CCDC171: variants seen among roughly 807,000 people sequenced by gnomAD.
The protein encoded by CCDC171 is coiled-coil domain containing 171.
A neutral mutation model predicts 168.2 loss-of-function variants in CCDC171; 177 were observed. That is an observed-to-expected ratio of 1.05 (90% confidence interval 0.93 to 1.19). The LOEUF (loss-of-function observed/expected upper bound fraction) is 1.19. Ranked by LOEUF, CCDC171 falls within the 50% of genes most tolerant of loss-of-function variation. CCDC171 has a pLI of 0.00. For synonymous variants in CCDC171, 687 were observed against 540.8 expected (o/e 1.27, Z -3.75); for missense variants, 1,991 against 1,539.0 (o/e 1.29, Z -4.91).
At chr9:15,984,712 C>A (rs1308185598) in intron 3 of CCDC171, among the ~76,000 whole-genome samples, 3 of 152,028 alleles carry the variant, frequency 2.0e-5, no homozygotes, top group Admixed American at 2.0e-4. Context: ...ACAAAGTTCT[C>A]ATGATTTGAT....
chr9:15,988,169 A>G (rs1832058000), intron 3 of CCDC171, among the ~76,000 whole-genome samples: 1 of 152,238 alleles, frequency 6.6e-6, no homozygotes, highest in African/African-American at 2.4e-5. Context: ...ATACTGTCTC[A>G]GCTGTTAAAC....
At chr9:15,885,600 A>T (rs1431099658) in intron 24 of CCDC171, 2 of 152,178 alleles carry the variant, frequency 1.3e-5, no homozygotes, top group African/African-American at 2.4e-5. Context: ...TGAGTTTATT[A>T]TGGCTTAGTG....
At chr9:15,615,913 G>T (rs900206702) in intron 6 of CCDC171, among the ~76,000 whole-genome samples, 1 of 151,854 alleles carries the variant, frequency 6.6e-6, no homozygotes, top group Non-Finnish European at 1.5e-5. Context: ...CAAGTACTGG[G>T]ACCACAGGCA....
At chr9:16,091,952 T>C in the CCDC171 span, among the ~76,000 whole-genome samples, 1 of 152,210 alleles carries the variant, frequency 6.6e-6, no homozygotes, top group Admixed American at 6.5e-5. Context: ...AGGTTTTAAA[T>C]ACAGGCTCTG....
At chr9:15,593,873 A>T (rs750427577) in intron 5 of CCDC171, among the ~76,000 whole-genome samples, 168 bp from the exon 6 acceptor site, 5 of 152,044 alleles carry the variant, frequency 3.3e-5, no homozygotes, top group Admixed American at 3.3e-4. Context: ...AGTTTCTCAG[A>T]TCTACATTCT....
At chr9:15,590,756 CTTCTTTCTTTCTTTCTCT>C (rs1354533425) in intron 4 of CCDC171, among the ~76,000 whole-genome samples, 19 of 122,498 alleles carry the variant, frequency 1.6e-4, no homozygotes, top group African/African-American at 3.9e-4. Context: ...AGATTTTTTT[CTTCTTTCTTTCTTTCTCT>C]TTCTTTCTTT....
At chr9:15,931,721 C>G (rs183217332) in intron 25 of CCDC171, among the ~76,000 whole-genome samples, 103 of 151,562 alleles carry the variant, frequency 6.8e-4, no homozygotes, top group African/African-American at 2.3e-3. Context: ...AGCATTTCTC[C>G]TATGTTTTCT....
At chr9:15,677,478 C>T (rs1052992176) in intron 9 of CCDC171, among the ~76,000 whole-genome samples, 1 of 151,986 alleles carries the variant, frequency 6.6e-6, no homozygotes, top group Non-Finnish European at 1.5e-5. Context: ...GTAATTTAGA[C>T]TGCATTATAC....
chr9:16,019,818 T>C (rs181197491), intron 3 of CCDC171, among the ~76,000 whole-genome samples: 110 of 152,330 alleles, frequency 7.2e-4, no homozygotes, highest in Non-Finnish European at 1.4e-3. Context: ...GTTCTGAGCA[T>C]GATTTCAAGG....
intron 3 of CCDC171, among the ~76,000 whole-genome samples, chr9:16,017,484 A>G (rs912152534): frequency 2.3e-4 from 35 of 152,110 alleles, no homozygotes; most frequent in Admixed American, 5.2e-4. Flanking sequence ...AGTCCATACA[A>G]CTTTTAAAAT....
intron 7 of CCDC171, among the ~76,000 whole-genome samples, chr9:15,630,582 C>G (rs2045593069): frequency 6.6e-6 from 1 of 152,186 alleles, no homozygotes; most frequent in Admixed American, 6.5e-5. Context: ...TAATGGGAGA[C>G]TTTAACACCC....
At chr9:16,028,380 G>C (rs1833312605) in intron 6 of CCDC171, among the ~76,000 whole-genome samples, 1 of 152,096 alleles carries the variant, frequency 6.6e-6, no homozygotes, top group Non-Finnish European at 1.5e-5. Context: ...CAGCGATGTG[G>C]GTACTAAAGC....
intron 7 of CCDC171, among the ~76,000 whole-genome samples, chr9:15,646,346 A>C (rs1382260964): frequency 6.6e-6 from 1 of 152,204 alleles, no homozygotes; most frequent in East Asian, 1.9e-4. Flanking sequence ...GCATCAACTA[A>C]TGAGCAAAAT....
At chr9:15,981,109 G>T (rs572703364) in intron 3 of CCDC171, among the ~76,000 whole-genome samples, 47 of 152,138 alleles carry the variant, frequency 3.1e-4, no homozygotes, top group African/African-American at 1.1e-3. Flanking sequence ...CCATGATTCA[G>T]TTACCTCCCA....
intron 21 of CCDC171, among the ~76,000 whole-genome samples, chr9:15,842,383 T>G (rs1478331816): frequency 2.6e-5 from 4 of 152,044 alleles, no homozygotes; most frequent in Non-Finnish European, 5.9e-5. Context: ...TGCATACCCT[T>G]TAAGATAACT....
chr9:16,001,715 G>A (rs1312905872), intron 3 of CCDC171, among the ~76,000 whole-genome samples: 8 of 152,102 alleles, frequency 5.3e-5, no homozygotes. Context: ...TTGCATGTTT[G>A]TGGTGATGCT....
chr9:15,734,499 T>C (rs2054357046), intron 16 of CCDC171, among the ~76,000 whole-genome samples: 1 of 152,078 alleles, frequency 6.6e-6, no homozygotes, highest in Admixed American at 6.6e-5. Flanking sequence ...GATTGCGCCA[T>C]TTCACTCCAG....
At chr9:16,041,899 T>G (rs1479410171), upstream of CCDC171, among the ~76,000 whole-genome samples, 1 of 152,192 alleles carries the variant, frequency 6.6e-6, no homozygotes, top group Non-Finnish European at 1.5e-5. Flanking sequence ...AAACACCATA[T>G]TCTGAGCAAG....
chr9:15,976,200 C>T (rs980496294), downstream of CCDC171, among the ~76,000 whole-genome samples: 10 of 151,814 alleles, frequency 6.6e-5, no homozygotes, highest in Middle Eastern at 3.2e-3. Context: ...TCACAGCCAC[C>T]GAAGGAAACT....
Sources: allele counts gnomAD v4.1 joint callset (sites outside exome capture counted in the v4.1 genomes callset), GRCh38; gene constraint gnomAD v4.1.1; transcripts MANE v1.5; gene names NCBI Gene and HGNC (gene_info 2026-07-23, HGNC 2026-07-21).